AUTS2: variants seen among roughly 807,000 people sequenced by gnomAD.
AUTS2 encodes the protein activator of transcription and developmental regulator AUTS2.
Under a neutral mutation model 112.4 loss-of-function variants are expected in AUTS2, and 17 were observed. The observed-to-expected ratio is 0.15, with a 90% CI of 0.10 to 0.23. AUTS2 has a LOEUF of 0.23. AUTS2 is among the 10% of genes least tolerant of loss of function. AUTS2 has a pLI of 1.00. For synonymous variants in AUTS2, 751 were observed against 702.7 expected, an observed-to-expected ratio of 1.07 and a Z score of -1.09; for missense variants, 1,510 against 1,701.6, an observed-to-expected ratio of 0.89 and a Z score of 1.98.
intron 5 of AUTS2, among the ~76,000 whole-genome samples, chr7:70,607,843 GTCT>G (rs1354197283): frequency 2.0e-5 from 3 of 152,188 alleles, no homozygotes; most frequent in Non-Finnish European, 4.4e-5. Flanking sequence ...ATTGTAGAAG[GTCT>G]TCTACTATCT....
At chr7:70,107,260 A>G (rs747537972) in intron 2 of AUTS2, among the ~76,000 whole-genome samples, 42 of 151,622 alleles carry the variant, frequency 2.8e-4, no homozygotes, top group Non-Finnish European at 5.3e-4. Flanking sequence ...TTGTATGCTC[A>G]CTAGCACACA....
At chr7:70,075,061 C>T (rs781325658) in intron 2 of AUTS2, among the ~76,000 whole-genome samples, 1 of 152,144 alleles carries the variant, frequency 6.6e-6, no homozygotes, top group Non-Finnish European at 1.5e-5. Context: ...GTGATGACAC[C>T]TTACCCTTGC....
At chr7:69,622,004 C>T (rs747743662) in intron 1 of AUTS2, among the ~76,000 whole-genome samples, 1 of 151,952 alleles carries the variant, frequency 6.6e-6, no homozygotes, top group Non-Finnish European at 1.5e-5. Context: ...TAAATACAAG[C>T]CTTCTTTCGC....
At chr7:70,733,731 C>A (rs933882747) in intron 6 of AUTS2, among the ~76,000 whole-genome samples, 2 of 151,960 alleles carry the variant, frequency 1.3e-5, no homozygotes, top group African/African-American at 2.4e-5. Context: ...GAACTACAGG[C>A]GCCCGCCACC....
At chr7:69,870,536 TAAAAC>T (rs1380442993) in intron 1 of AUTS2, among the ~76,000 whole-genome samples, 31 of 129,118 alleles carry the variant, frequency 2.4e-4, no homozygotes, top group Admixed American at 7.4e-4. Flanking sequence ...AAAAAAAAAA[TAAAAC>T]AACATGTGTT....
chr7:70,777,617 T>C (rs1349106102), intron 14 of AUTS2, among the ~76,000 whole-genome samples: 1 of 152,146 alleles, frequency 6.6e-6, no homozygotes, highest in Non-Finnish European at 1.5e-5. Flanking sequence ...GGGATTACAG[T>C]GCAAGTCACA....
intron 4 of AUTS2, among the ~76,000 whole-genome samples, chr7:70,264,033 C>G (rs945416959): frequency 3.9e-5 from 6 of 152,160 alleles, no homozygotes; most frequent in Non-Finnish European, 8.8e-5. Context: ...CGTTTACTTG[C>G]ATTGTTCCAC....
intron 4 of AUTS2, among the ~76,000 whole-genome samples, chr7:70,156,348 A>T (rs1807757355): frequency 1.3e-5 from 2 of 152,296 alleles, no homozygotes; most frequent in South Asian, 4.2e-4. Context: ...GGGGAATTGG[A>T]AAGTGAATCT....
intron 5 of AUTS2, among the ~76,000 whole-genome samples, chr7:70,663,822 T>C (rs925112238): frequency 1.3e-5 from 2 of 152,196 alleles, no homozygotes; most frequent in African/African-American, 4.8e-5. Flanking sequence ...AATTAGTGGA[T>C]AATAATCACT....
intron 2 of AUTS2, among the ~76,000 whole-genome samples, chr7:69,979,865 C>A (rs953238166): frequency 1.3e-5 from 2 of 152,022 alleles, no homozygotes; most frequent in Non-Finnish European, 2.9e-5. Context: ...TTTTTAAATG[C>A]CATTTTTGCC....
chr7:70,642,914 G>A (rs1805922644), intron 5 of AUTS2, among the ~76,000 whole-genome samples: 1 of 152,174 alleles, frequency 6.6e-6, no homozygotes, highest in Non-Finnish European at 1.5e-5. Context: ...CATCCTCATA[G>A]AAGCTTCAGT....
intron 5 of AUTS2, among the ~76,000 whole-genome samples, chr7:70,467,929 T>C (rs1364832723): frequency 1.3e-5 from 2 of 152,174 alleles, no homozygotes; most frequent in African/African-American, 4.8e-5. Flanking sequence ...AATTGCTTGG[T>C]GAAATGTCAG....
intron 1 of AUTS2, among the ~76,000 whole-genome samples, chr7:69,871,455 T>C (rs988725082): frequency 3.9e-5 from 6 of 152,312 alleles, no homozygotes; most frequent in African/African-American, 1.4e-4. Flanking sequence ...CCCCTGTATA[T>C]ACTATGCTTT....
At chr7:70,436,950 A>G (rs930773321) in intron 5 of AUTS2, 2 of 152,260 alleles carry the variant, frequency 1.3e-5, no homozygotes, top group Admixed American at 6.5e-5. Flanking sequence ...AATGAAAAAA[A>G]TGCTCTCTGG....
intron 1 of AUTS2, among the ~76,000 whole-genome samples, chr7:69,642,130 T>C (rs1228063916): frequency 5.3e-5 from 8 of 152,206 alleles, no homozygotes; most frequent in Non-Finnish European, 1.0e-4. Flanking sequence ...TTCACTTCCA[T>C]AGAGGTTTAA....
intron 1 of AUTS2, among the ~76,000 whole-genome samples, chr7:69,675,314 T>C (rs1452888549): frequency 6.6e-6 from 1 of 152,186 alleles, no homozygotes; most frequent in African/African-American, 2.4e-5. Flanking sequence ...CCATTGTTGC[T>C]TTTAAAAAAT....
intron 4 of AUTS2, among the ~76,000 whole-genome samples, chr7:70,186,089 G>A (rs1809588625): frequency 6.6e-6 from 1 of 152,086 alleles, no homozygotes; most frequent in South Asian, 2.1e-4. Flanking sequence ...GGTGTCAAAA[G>A]GTAATTTCTT....
Position 69,984,630 on chromosome 7 carries a change from C to T in AUTS2, c.522+85132C>T, listed in dbSNP as rs140502093. 1.2e-4 allele frequency among the ~76,000 whole-genome samples: 19 copies of T among 152,224 alleles called. No homozygotes were observed. In the East Asian group the frequency reaches 3.7e-3, roughly 29 times the overall value. ...GTTTGTCAATGAGGTCAGACACTTT[C>T]CCCCACGCTGAGAACAGTATCCACT... is the stretch of plus-strand genomic sequence containing the variant. On this transcript the variant is annotated intron_variant, in intron 2 of 18. Coordinates refer to ENST00000342771, the MANE Select transcript of AUTS2 (RefSeq NM_015570.4).
chr7:70,405,383 C>T (rs932524746), intron 4 of AUTS2, among the ~76,000 whole-genome samples: 9 of 152,276 alleles, frequency 5.9e-5, no homozygotes, highest in Non-Finnish European at 8.8e-5. Context: ...GGCGTTCGTA[C>T]GTGGAAGTCT....
Sources: allele counts gnomAD v4.1 joint callset (sites outside exome capture counted in the v4.1 genomes callset), GRCh38; gene constraint gnomAD v4.1.1; transcripts MANE v1.5; gene names NCBI Gene and HGNC (gene_info 2026-07-23, HGNC 2026-07-21).